The following MTX2 variants were observed in gnomAD, a reference collection of about 807,000 sequenced individuals.
MTX2 encodes metaxin 2, also known as metaxin-2.
MTX2 carries 35 observed loss-of-function variants against 42.3 expected under a neutral mutation model. That is an observed-to-expected ratio of 0.83 (90% CI 0.63 to 1.10). The LOEUF is 1.10. Ranked by LOEUF, MTX2 falls within the 50% of genes least tolerant of loss-of-function variation. The pLI, the probability that MTX2 is intolerant of heterozygous loss-of-function variation, is 0.00. For synonymous variants in MTX2, 119 were observed against 100.9 expected, an observed-to-expected ratio of 1.18 and a Z score of -1.08; for missense variants, 307 against 304.1, an observed-to-expected ratio of 1.01 and a Z score of -0.07.
intron 1 of MTX2, among the ~76,000 whole-genome samples, chr2:176,273,307 C>T (rs1692867618): frequency 4.6e-5 from 7 of 152,166 alleles, no homozygotes; most frequent in Admixed American, 3.9e-4. Context: ...AATAATTTAT[C>T]GGAAACCCTG....
chr2:176,273,360 C>G (rs1463112671), intron 1 of MTX2, among the ~76,000 whole-genome samples: 2 of 152,212 alleles, frequency 1.3e-5, no homozygotes, highest in African/African-American at 4.8e-5. Flanking sequence ...TCAAATCCAG[C>G]AACTATTCAC....
At chr2:176,319,786 G>C (rs1313412345) in intron 3 of MTX2, among the ~76,000 whole-genome samples, 1 of 152,016 alleles carries the variant, frequency 6.6e-6, no homozygotes, top group African/African-American at 2.4e-5. Flanking sequence ...ATGTTGGCCA[G>C]GCTGGTCTCA....
At chr2:176,297,925 T>G in intron 3 of MTX2, 30 bp downstream of exon 3, 1 of 1,511,600 alleles carries the variant, frequency 6.6e-7, no homozygotes, top group Non-Finnish European at 8.9e-7. Flanking sequence ...AATATCTTTT[T>G]CACCCCCTAG....
chr2:176,297,764 C>T, intron 2 of MTX2, 85 bp from the exon 3 acceptor site: 1 of 831,114 alleles, frequency 1.2e-6, no homozygotes, highest in Non-Finnish European at 1.8e-6. Flanking sequence ...GTAGGCGATA[C>T]CTTTGAATAA....
intron 1 of MTX2, among the ~76,000 whole-genome samples, chr2:176,273,038 T>C (rs1441900618): frequency 6.6e-6 from 1 of 152,316 alleles, no homozygotes; most frequent in East Asian, 1.9e-4. Context: ...TGCCGGTATC[T>C]GATGCGAGCC....
chr2:176,326,781 A>G (rs749192230), intron 4 of MTX2, 44 bp from the exon 5 acceptor site: 4 of 1,201,278 alleles, frequency 3.3e-6, no homozygotes, highest in South Asian at 1.4e-5. Flanking sequence ...AAACTTTAAC[A>G]TACTGGAAGT....
chr2:176,294,821 T>C (rs1683817249), intron 1 of MTX2, among the ~76,000 whole-genome samples: 1 of 152,170 alleles, frequency 6.6e-6, no homozygotes. Flanking sequence ...TTTAACACAG[T>C]AATACAGGTT....
At chr2:176,310,716 C>G (rs1040263140) in intron 3 of MTX2, among the ~76,000 whole-genome samples, 4 of 152,164 alleles carry the variant, frequency 2.6e-5, no homozygotes, top group Admixed American at 6.5e-5. Flanking sequence ...GCATGCGTCA[C>G]GAAGTTCTCG....
At chr2:176,335,894 CAG>C (rs1684977047) in intron 9 of MTX2, among the ~76,000 whole-genome samples, 1 of 152,028 alleles carries the variant, frequency 6.6e-6, no homozygotes, top group Non-Finnish European at 1.5e-5. Flanking sequence ...ATCCAGAGCT[CAG>C]GGGAGACATT....
chr2:176,321,791 C>T (rs918255411), intron 3 of MTX2, among the ~76,000 whole-genome samples: 8 of 152,072 alleles, frequency 5.3e-5, no homozygotes, highest in Non-Finnish European at 8.8e-5. Flanking sequence ...TTTAGGCAGC[C>T]TTGTGTGCAG....
rs1372969961 is a variant in MTX2, at chr2:176,295,890, T to C, written c.41-970T>C. Among the ~76,000 whole-genome samples, 5 of 152,182 alleles carry C rather than the reference T, an allele frequency of 3.3e-5. 1 individual carries two copies. In the Middle Eastern group the frequency reaches 9.5e-3, roughly 289 times the overall value. On this transcript the variant is annotated intron_variant, in intron 1 of 9. Coordinates refer to ENST00000249442, the MANE Select transcript of MTX2 (RefSeq NM_006554.5). ...GAGACTAAAGTAGTATAAACACAAT[T>C]AGAAATATATCAATTATTATCAAAT...
intron 1 of MTX2, among the ~76,000 whole-genome samples, chr2:176,291,737 G>A (rs978092104): frequency 1.3e-5 from 2 of 152,104 alleles, no homozygotes; most frequent in Non-Finnish European, 2.9e-5. Context: ...AACTGCACAG[G>A]TTACACGCTC....
rs1462310373 is a variant in MTX2 at position 176,269,629 on chromosome 2, C to T, written c.-1C>T. 1.9e-6 allele frequency: 3 copies of T among 1,594,310 alleles called. No homozygotes were observed. The highest frequency in any genetic ancestry group is 2.3e-5 in the East Asian group (1 of 44,010). ...CCCGGGCGCCGGGCCTCCCAGCCGA[C>T]ATGTCTCTAGTGGCGGAAGCCTTCG... On this transcript the variant is annotated 5_prime_UTR_variant, in exon 1 of 10. Coordinates refer to ENST00000249442, the MANE Select transcript of MTX2 (RefSeq NM_006554.5).
chr2:176,276,832 A>G lies in MTX2; in HGVS notation c.40+7163A>G, dbSNP rs1404183082. On this transcript the variant is annotated intron_variant, in intron 1 of 9. Transcript: ENST00000249442. ...TTTATTACTCCACCGGTGCCTTGCCATATTTTAAGCACATCAGTTAGTTTC... is the reference window on the plus strand; with the variant it reads ...TTTATTACTCCACCGGTGCCTTGCCGTATTTTAAGCACATCAGTTAGTTTC... 2.6e-5 allele frequency among the ~76,000 whole-genome samples: 4 copies of G among 152,286 alleles called. No individual in the cohort carries two copies. The South Asian group carries it at 6.2e-4, about 24-fold the overall frequency.
At chr2:176,329,471 TA>T in intron 8 of MTX2, 45 bp downstream of exon 8, 1 of 1,547,594 alleles carries the variant, frequency 6.5e-7, no homozygotes, top group Non-Finnish European at 8.7e-7. Context: ...TTTTATGCAT[TA>T]AAAGAATCAT....
At chr2:176,305,300 G>A (rs185926717) in intron 3 of MTX2, among the ~76,000 whole-genome samples, 2 of 151,924 alleles carry the variant, frequency 1.3e-5, no homozygotes. Context: ...TATCAGTTGG[G>A]AATTTTCTTG....
At chr2:176,300,151 G>A (rs972167604) in intron 3 of MTX2, among the ~76,000 whole-genome samples, 1 of 147,810 alleles carries the variant, frequency 6.8e-6, no homozygotes, top group African/African-American at 2.5e-5. Flanking sequence ...CAGAGAGAGA[G>A]AGAGAGATAT....
intron 1 of MTX2, among the ~76,000 whole-genome samples, chr2:176,282,994 A>T (rs1020483909): frequency 6.6e-6 from 1 of 152,232 alleles, no homozygotes; most frequent in East Asian, 1.9e-4. Flanking sequence ...GAGCAATCAC[A>T]CCTGGCCAAT....
At chr2:176,322,362 A>G (rs902622798) in intron 3 of MTX2, among the ~76,000 whole-genome samples, 11 of 152,126 alleles carry the variant, frequency 7.2e-5, no homozygotes, top group African/African-American at 2.4e-4. Context: ...TTAATTTATT[A>G]ATTTATCTTA....
Sources: allele counts gnomAD v4.1 joint callset (sites outside exome capture counted in the v4.1 genomes callset), GRCh38; gene constraint gnomAD v4.1.1; transcripts MANE v1.5; gene names NCBI Gene and HGNC (gene_info 2026-07-23, HGNC 2026-07-21).